SACS: variants seen among roughly 807,000 people sequenced by gnomAD.
The protein encoded by SACS is sacsin molecular chaperone.
In SACS, 197 loss-of-function variants were observed where a neutral mutation model predicts 348.0. That is an observed-to-expected ratio of 0.57 (90% CI 0.50 to 0.64). The LOEUF (loss-of-function observed/expected upper bound fraction) is 0.64, where lower values mean the gene tolerates loss of function less well. Among genes scored for constraint, SACS ranks in the 30% least tolerant of loss-of-function variants. The pLI, the probability that SACS is intolerant of heterozygous loss-of-function variation, is 0.00. For missense variants in SACS, 4,999 were observed against 5,360.8 expected (o/e 0.93, Z 2.11); for synonymous variants, 1,985 against 1,910.6 (o/e 1.04, Z -1.02).
chr13:23,413,066 C>T (rs1873558179), intron 1 of SACS, among the ~76,000 whole-genome samples: 1 of 152,148 alleles, frequency 6.6e-6, no homozygotes, highest in South Asian at 2.1e-4. Context: ...CAACCTCTTC[C>T]TCCCGGGTTC....
rs569013098 is a variant in SACS, at chr13:23,386,407, C to G, written c.21-11138G>C. On this transcript the variant is annotated intron_variant, in intron 2 of 9. Coordinates refer to ENST00000382292, the MANE Select transcript of SACS (RefSeq NM_014363.6). ...GGCTTTATTCCTTAAACCTCATGAA[C>G]CAACCTCTGGTAGCTTCAAATTCTT... Among the ~76,000 whole-genome samples the G allele has an allele frequency of 3.9e-5, 6 of 152,324 alleles. No individual in the cohort carries two copies. The East Asian group carries it at 1.2e-3, about 29-fold the overall frequency.
rs976887975 is a variant in SACS, at chr13:23,371,288, G to A, written c.172-123C>T. ...GTTAAGTCTTCTTATCATGAAGGAA[G>A]TTGTCTGGAGAAGTGAATATTCCAC... is the stretch of plus-strand genomic sequence containing the variant. On this transcript the variant is annotated intron_variant, in intron 3 of 9. Transcript: ENST00000382292. 8.8e-6 allele frequency: 4 copies of A among 456,518 alleles called. No homozygotes were observed. The East Asian group carries it at 1.0e-4, about 12-fold the overall frequency. 28.3% of individuals were successfully genotyped at this position (456,518 alleles called of 1,614,324 possible). A position where few individuals can be genotyped will look rare whatever the true frequency, so the allele number is the denominator to read the frequency against.
At position 23,335,270 on chromosome 13, in the gene SACS, CA is replaced by C. The variant is rs1243175617; in HGVS notation, c.8605del (p.Cys2869ValfsTer15). 2 of 1,613,928 alleles carry C rather than the reference CA, an allele frequency of 1.2e-6. No homozygotes were observed. Among genetic ancestry groups the C allele is most frequent in the South Asian group, 2.2e-5 (2 of 91,078 alleles). On this transcript the variant is annotated frameshift_variant, in exon 10 of 10. Coordinates refer to ENST00000382292, the MANE Select transcript of SACS (RefSeq NM_014363.6). LOFTEE classifies it high-confidence loss of function. This position sits in a 1 kb window ranked among gnomAD's most constrained non-coding sequence, Gnocchi z 4.7. ...AGTCTCCAAAGAAAGAGGCAAAAAA[CA>C]GAAGGCCCTATGGGGTTTTTTATAG... ...HNYKKPHRAF[C>X]FLPLSLETGL...
At chr13:23,372,445 A>C (rs1489363453) in intron 3 of SACS, among the ~76,000 whole-genome samples, 1 of 152,216 alleles carries the variant, frequency 6.6e-6, no homozygotes, top group Non-Finnish European at 1.5e-5. Context: ...CTTGAGTTTC[A>C]GTTCCAGATT....
chr13:23,400,769 C>T lies in SACS; in HGVS notation c.20+10451G>A, dbSNP rs532208923. On this transcript the variant is annotated intron_variant, in intron 2 of 9. Transcript: ENST00000382292. Reference sequence around the variant, plus strand: ...TAAGCATTGTTTCACACCAACCTAACATCCTATTTAGTCAAATGTTCAAAC... The same window carrying T: ...TAAGCATTGTTTCACACCAACCTAATATCCTATTTAGTCAAATGTTCAAAC... 6.6e-5 allele frequency among the ~76,000 whole-genome samples: 10 copies of T among 152,330 alleles called. No individual in the cohort carries two copies. In the East Asian group the frequency reaches 1.9e-3, roughly 29 times the overall value.
intron 9 of SACS, among the ~76,000 whole-genome samples, chr13:23,345,833 T>A (rs1418641760): frequency 6.6e-6 from 1 of 152,112 alleles, no homozygotes; most frequent in Non-Finnish European, 1.5e-5. Flanking sequence ...AAATCTTATA[T>A]CCTATAAGTT....
intron 1 of SACS, among the ~76,000 whole-genome samples, chr13:23,412,605 G>A (rs539287801): frequency 1.3e-5 from 2 of 151,900 alleles, no homozygotes; most frequent in Non-Finnish European, 2.9e-5. Context: ...GTGGAGATGG[G>A]GTTTTGCCCT....
chr13:23,381,291 T>TC (rs1872042647), intron 2 of SACS, among the ~76,000 whole-genome samples: 1 of 151,910 alleles, frequency 6.6e-6, no homozygotes, highest in Non-Finnish European at 1.5e-5. Flanking sequence ...TTCAGGCCTG[T>TC]CACTGTCTTG....
intron 2 of SACS, among the ~76,000 whole-genome samples, chr13:23,406,677 A>G (rs1377756384): frequency 6.6e-6 from 1 of 152,230 alleles, no homozygotes; most frequent in African/African-American, 2.4e-5. Context: ...GGAGAATTTT[A>G]TTATAGGTAA....
chr13:23,344,767 G>A (rs546496157), intron 9 of SACS, among the ~76,000 whole-genome samples: 1 of 152,262 alleles, frequency 6.6e-6, no homozygotes, highest in Admixed American at 6.5e-5. Context: ...GAGGCAGAAA[G>A]GTTTAAACAA....
chr13:23,341,597 A>C lies in SACS; in HGVS notation c.2279T>G (p.Leu760Trp). 2 of 1,613,992 alleles carry C rather than the reference A, an allele frequency of 1.2e-6. No homozygotes were observed. The highest frequency in any genetic ancestry group is 1.7e-6 in the Non-Finnish European group (2 of 1,180,004). ...ATCAAATGGATACCATTGAACAATC[A>C]ATTCTCTGCCAGGCCAGAATGTATT... ...VMNTFWPGRE[L>W]IVQWYPFDEN... Residue 760 changes from leucine to tryptophan, a missense_variant, in exon 10 of 10, where the codon TTG becomes TGG. Coordinates refer to ENST00000382292, the MANE Select transcript of SACS (RefSeq NM_014363.6).
intron 2 of SACS, among the ~76,000 whole-genome samples, chr13:23,398,312 C>T (rs1872793271): frequency 6.6e-6 from 1 of 152,022 alleles, no homozygotes; most frequent in South Asian, 2.1e-4. Context: ...GTGGGCAGAT[C>T]ACCTGAGGTC....
chr13:23,368,283 C>T (rs1332264020), intron 5 of SACS, 119 bp downstream of exon 5: 2 of 689,034 alleles, frequency 2.9e-6, no homozygotes, highest in Non-Finnish European at 5.0e-6. Context: ...AGGTATAATA[C>T]AGCTATTTGA....
chr13:23,430,036 C>T (rs993401000), intron 1 of SACS, among the ~76,000 whole-genome samples: 10 of 151,900 alleles, frequency 6.6e-5, no homozygotes, highest in Non-Finnish European at 1.0e-4. Context: ...GGTGAAACTC[C>T]GTCTCTACTA....
At position 23,339,047 on chromosome 13, in the gene SACS, C is replaced by G; in HGVS notation, c.4829G>C (p.Arg1610Thr). The G allele has an allele frequency of 6.2e-7, 1 of 1,613,288 alleles. No individual in the cohort carries two copies. Among genetic ancestry groups the G allele is most frequent in the Non-Finnish European group, 8.5e-7 (1 of 1,179,840 alleles). ...GAACTGATTAGGAAATTTTCTAAGT[C>G]TTTTCTGTTGTTTACTCCAATTAAT... ...IKINWSKQQK[R>T]LRKFPNQFKP... The change falls in exon 10 of 10, where the codon AGA (arginine) becomes ACA (threonine). Residue 1610 changes from arginine to threonine, a missense_variant. By Grantham distance (71) the Arg-to-Thr change is moderately conservative. Coordinates refer to ENST00000382292, the MANE Select transcript of SACS (RefSeq NM_014363.6).
chr13:23,347,230 TA>T (rs1160496760), intron 9 of SACS, among the ~76,000 whole-genome samples: 1 of 152,184 alleles, frequency 6.6e-6, no homozygotes, highest in Non-Finnish European at 1.5e-5. Context: ...TTTTAATTTT[TA>T]AAAAGTTTTG....
chr13:23,394,443 C>T lies in SACS; in HGVS notation c.20+16777G>A, dbSNP rs1258869862. The stretch of plus-strand genomic sequence containing the variant: ...TCTCTTTGCCATATTGGGAGTTGAG[C>T]CCAATCTCACCCCCATTGTGTAGCA... On this transcript the variant is annotated intron_variant, in intron 2 of 9. Transcript: ENST00000382292. Among the ~76,000 whole-genome samples, 4 of 152,308 alleles carry T rather than the reference C, an allele frequency of 2.6e-5. 1 individual carries two copies. Among genetic ancestry groups the T allele is most frequent in the Admixed American group, 2.6e-4 (4 of 15,288 alleles).
Position 23,411,435 on chromosome 13 carries a change from T to G in SACS, c.-196A>C. ...CAGGAAACATTGTCGTGTGTTGCAT[T>G]TGTATTCCTTAAAGTATGACTCTCC... On this transcript the variant is annotated 5_prime_UTR_variant, in exon 2 of 10. Coordinates refer to ENST00000382292, the MANE Select transcript of SACS (RefSeq NM_014363.6). 1 of 623,294 alleles carries G rather than the reference T, an allele frequency of 1.6e-6. No individual in the cohort carries two copies. The highest frequency in any genetic ancestry group is 2.9e-6 in the Non-Finnish European group (1 of 349,252). The allele number at this position is 623,294 out of a possible 1,614,324, so 38.6% of individuals were successfully genotyped here.
In SACS at chr13:23,333,416, T is replaced by A; in HGVS notation, c.10460A>T (p.Asn3487Ile). The change falls in exon 10 of 10, where the codon AAT becomes ATT. Residue 3487 changes from asparagine to isoleucine, a missense_variant. Transcript: ENST00000382292. ...CTCTAATTTTGCATCATAAGAGAGA[T>A]TTTCAATTTTTGGTAAGAGGTGTTT... Reference protein sequence around the residue: ...YLKHLLPKIENLSYDAKLEHL... With the variant: ...YLKHLLPKIEILSYDAKLEHL... 1 of 1,609,854 alleles carries A rather than the reference T, an allele frequency of 6.2e-7. No homozygotes were observed. Among genetic ancestry groups the A allele is most frequent in the Non-Finnish European group, 8.5e-7 (1 of 1,178,404 alleles).
Sources: allele counts gnomAD v4.1 joint callset (sites outside exome capture counted in the v4.1 genomes callset), GRCh38; gene constraint gnomAD v4.1.1; non-coding constraint Gnocchi (gnomAD v3.1); transcripts MANE v1.5; gene names NCBI Gene and HGNC (gene_info 2026-07-23, HGNC 2026-07-21).